The following TASP1 variants were observed in gnomAD, a reference collection of about 807,000 sequenced individuals.
TASP1 encodes the protein taspase 1.
In TASP1, 16 loss-of-function variants were observed where a neutral mutation model predicts 56.6. The ratio of observed to expected loss-of-function variants is 0.28; its 90% CI spans 0.19 to 0.43. TASP1 has a LOEUF of 0.43. TASP1 is among the 20% of genes least tolerant of loss of function. The pLI, the probability that TASP1 is intolerant of heterozygous loss-of-function variation, is 1.00. For missense variants in TASP1, 393 were observed against 511.6 expected, an observed-to-expected ratio of 0.77 and a Z score of 2.24; for synonymous variants, 179 against 184.2, an observed-to-expected ratio of 0.97 and a Z score of 0.23.
At chr20:13,245,889 T>C in the TASP1 span, among the ~76,000 whole-genome samples, 2 of 152,324 alleles carry the variant, frequency 1.3e-5, no homozygotes, top group East Asian at 3.9e-4. Flanking sequence ...TTCAGCCAAA[T>C]TAGACTCTCA....
the TASP1 span, among the ~76,000 whole-genome samples, chr20:13,155,246 T>C: frequency 2.2e-3 from 336 of 152,288 alleles, 1 homozygote; most frequent in Non-Finnish European, 3.6e-3. Flanking sequence ...TTTTTATCTC[T>C]GACCAAGCAC....
chr20:13,295,436 T>G, the TASP1 span, among the ~76,000 whole-genome samples: 1 of 152,182 alleles, frequency 6.6e-6, no homozygotes, highest in Non-Finnish European at 1.5e-5. Flanking sequence ...AAACTGAACA[T>G]GTCATGCCCC....
intron 13 of TASP1, among the ~76,000 whole-genome samples, chr20:13,413,704 A>G (rs575461333): frequency 3.3e-5 from 5 of 152,218 alleles, no homozygotes; most frequent in Non-Finnish European, 7.4e-5. Flanking sequence ...CACAAGACCC[A>G]AGAGTGACAT....
the TASP1 span, among the ~76,000 whole-genome samples, chr20:13,113,498 T>C: frequency 6.6e-6 from 1 of 152,106 alleles, no homozygotes; most frequent in African/African-American, 2.4e-5. Context: ...TAGAAAAGGC[T>C]AGATACCCAG....
the TASP1 span, among the ~76,000 whole-genome samples, chr20:13,231,921 C>T: frequency 1.3e-5 from 2 of 152,162 alleles, no homozygotes; most frequent in African/African-American, 4.8e-5. Flanking sequence ...CTGGACACCA[C>T]TTATCTATTT....
the TASP1 span, among the ~76,000 whole-genome samples, chr20:13,262,322 C>CT: frequency 6.6e-6 from 1 of 152,174 alleles, no homozygotes; most frequent in East Asian, 1.9e-4. Flanking sequence ...GATAGAAAGC[C>CT]TTGCCCTTAA....
the TASP1 span, among the ~76,000 whole-genome samples, chr20:13,345,460 A>G: frequency 1.1e-4 from 16 of 152,312 alleles, no homozygotes; most frequent in African/African-American, 3.8e-4. Context: ...TCCCTCCTGG[A>G]GCCAATCTAA....
chr20:13,496,654 G>T (rs1410697223), intron 10 of TASP1, among the ~76,000 whole-genome samples: 2 of 151,980 alleles, frequency 1.3e-5, no homozygotes, highest in East Asian at 3.9e-4. Flanking sequence ...ACATAAAGGG[G>T]CTCCAGTGCC....
At chr20:13,152,868 T>A in the TASP1 span, among the ~76,000 whole-genome samples, 3 of 152,186 alleles carry the variant, frequency 2.0e-5, no homozygotes, top group Admixed American at 1.3e-4. Flanking sequence ...CAGATGACTA[T>A]GATTGACATG....
chr20:13,502,017 A>C (rs892153875), intron 10 of TASP1, among the ~76,000 whole-genome samples: 1 of 152,032 alleles, frequency 6.6e-6, no homozygotes, highest in Non-Finnish European at 1.5e-5. Context: ...CTTAGTAACA[A>C]AGCATCTAAA....
At chr20:13,521,514 C>T (rs1181769221) in intron 10 of TASP1, among the ~76,000 whole-genome samples, 1 of 151,850 alleles carries the variant, frequency 6.6e-6, no homozygotes, top group African/African-American at 2.4e-5. Flanking sequence ...CCATCATTCT[C>T]AGCAAACTAT....
chr20:13,353,107 G>GC, the TASP1 span, among the ~76,000 whole-genome samples: 1 of 152,114 alleles, frequency 6.6e-6, no homozygotes, highest in South Asian at 2.1e-4. Context: ...GGCTTACTGG[G>GC]CACCTGTAGT....
chr20:13,269,529 G>A, the TASP1 span, among the ~76,000 whole-genome samples: 1 of 152,008 alleles, frequency 6.6e-6, no homozygotes, highest in Non-Finnish European at 1.5e-5. Context: ...CAACAGCTTC[G>A]CTGGCCATTC....
chr20:13,196,681 T>C, the TASP1 span, among the ~76,000 whole-genome samples: 1 of 152,226 alleles, frequency 6.6e-6, no homozygotes, highest in South Asian at 2.1e-4. Context: ...AGTGATCTTT[T>C]GTATACTTTG....
At chr20:13,167,993 C>A in the TASP1 span, 1 of 152,102 alleles carries the variant, frequency 6.6e-6, no homozygotes, top group Non-Finnish European at 1.5e-5. Flanking sequence ...CCACAGTCAA[C>A]CTTCTCTTCT....
At chr20:13,184,141 C>G in the TASP1 span, among the ~76,000 whole-genome samples, 1 of 151,970 alleles carries the variant, frequency 6.6e-6, no homozygotes, top group African/African-American at 2.4e-5. Context: ...TCACTAGGTG[C>G]CAAGCACTGT....
chr20:13,253,984 G>A, the TASP1 span, among the ~76,000 whole-genome samples: 2 of 150,590 alleles, frequency 1.3e-5, no homozygotes, highest in Admixed American at 6.6e-5. Context: ...TTGGGAGGCC[G>A]AGGTGAGCGG....
chr20:13,416,098 A>G (rs1410229230), intron 13 of TASP1, among the ~76,000 whole-genome samples: 1 of 152,178 alleles, frequency 6.6e-6, no homozygotes, highest in African/African-American at 2.4e-5. Context: ...AAATTAAGTA[A>G]AATTTAAAAT....
the TASP1 span, among the ~76,000 whole-genome samples, chr20:13,216,775 G>T: frequency 6.6e-6 from 1 of 152,176 alleles, no homozygotes; most frequent in Non-Finnish European, 1.5e-5. Flanking sequence ...TAGGGACTCT[G>T]CTCCAGAGAC....
Sources: gnomAD v4.1 joint callset for allele counts (sites outside exome capture counted in the v4.1 genomes callset) on GRCh38, gnomAD v4.1.1 for gene constraint, MANE v1.5 for transcripts, NCBI Gene and HGNC (gene_info 2026-07-23, HGNC 2026-07-21) for gene names.